DEPDC5: variants seen among roughly 807,000 people sequenced by gnomAD.
The protein encoded by DEPDC5 is GATOR1 complex protein DEPDC5.
In DEPDC5, 73 loss-of-function variants were observed where a neutral mutation model predicts 217.3. That is an observed-to-expected ratio of 0.34 (90% confidence interval 0.28 to 0.41). The LOEUF is 0.41. Ranked by LOEUF, DEPDC5 falls within the 10% of genes least tolerant of loss-of-function variation. DEPDC5 has a pLI of 1.00. For synonymous variants in DEPDC5, 733 were observed against 756.7 expected (o/e 0.97, Z 0.51); for missense variants, 1,675 against 2,070.1 (o/e 0.81, Z 3.70).
chr22:31,776,572 CTTTTTT>C (rs34058587), intron 7 of DEPDC5, among the ~76,000 whole-genome samples: 3 of 104,170 alleles, frequency 2.9e-5, no homozygotes, highest in African/African-American at 1.1e-4. Flanking sequence ...GTACTATTCA[CTTTTTT>C]TTTTTTTTTT....
intron 5 of DEPDC5, 24 bp from the exon 6 acceptor site, chr22:31,766,561 A>G: frequency 6.2e-7 from 1 of 1,606,754 alleles, no homozygotes; most frequent in Non-Finnish European, 8.5e-7. Context: ...AATGTCAGAG[A>G]TATCATTTGA....
chr22:31,901,671 A>G, intron 40 of DEPDC5, 71 bp from the exon 41 acceptor site: 4 of 1,375,560 alleles, frequency 2.9e-6, no homozygotes, highest in Non-Finnish European at 3.0e-6. Flanking sequence ...TAAAGGGTAC[A>G]GAAGACTGGC....
chr22:31,871,066 A>C (rs918263262), intron 34 of DEPDC5, among the ~76,000 whole-genome samples: 1 of 152,232 alleles, frequency 6.6e-6, no homozygotes, highest in Non-Finnish European at 1.5e-5. Flanking sequence ...AATGTCTTGC[A>C]CGTCATAGCA....
At chr22:31,845,949 C>T (rs946057173) in intron 30 of DEPDC5, among the ~76,000 whole-genome samples, 1 of 151,714 alleles carries the variant, frequency 6.6e-6, no homozygotes, top group African/African-American at 2.4e-5. Flanking sequence ...CAGCCTTGAC[C>T]TCCCACCTTA....
intron 38 of DEPDC5, among the ~76,000 whole-genome samples, chr22:31,881,419 G>T (rs1004959241): frequency 6.6e-6 from 1 of 152,070 alleles, no homozygotes; most frequent in Non-Finnish European, 1.5e-5. Flanking sequence ...ACCTTGAGCA[G>T]CTCCTCCTCC....
chr22:31,856,188 CACTTCATTGCCTATG>C (rs1355255818), intron 31 of DEPDC5, among the ~76,000 whole-genome samples: 7 of 146,452 alleles, frequency 4.8e-5, no homozygotes, highest in African/African-American at 1.8e-4. Flanking sequence ...CACACACACA[CACTTCATTGCCTATG>C]ACACACACAC....
At chr22:31,867,056 A>G (rs2092709003) in intron 33 of DEPDC5, among the ~76,000 whole-genome samples, 1 of 152,196 alleles carries the variant, frequency 6.6e-6, no homozygotes, top group Non-Finnish European at 1.5e-5. Context: ...ACATATGTTC[A>G]GTGGAGTCCT....
intron 30 of DEPDC5, among the ~76,000 whole-genome samples, chr22:31,845,656 G>A (rs1569090382): frequency 6.6e-6 from 1 of 152,136 alleles, no homozygotes; most frequent in Non-Finnish European, 1.5e-5. Flanking sequence ...CACCCAGTGC[G>A]GAGACTCAGG....
At chr22:31,803,914 T>C (rs1279068676) in intron 15 of DEPDC5, among the ~76,000 whole-genome samples, 1 of 152,212 alleles carries the variant, frequency 6.6e-6, no homozygotes, top group Non-Finnish European at 1.5e-5. Flanking sequence ...AGTCATGACC[T>C]GTAGGACAGT....
intron 38 of DEPDC5, among the ~76,000 whole-genome samples, chr22:31,889,931 G>A (rs1315612669): frequency 6.6e-6 from 1 of 152,158 alleles, no homozygotes; most frequent in African/African-American, 2.4e-5. Flanking sequence ...GCATTGGAGT[G>A]ACCAAGTTCT....
At chr22:31,847,991 G>A (rs1569097484) in intron 31 of DEPDC5, among the ~76,000 whole-genome samples, 1 of 152,206 alleles carries the variant, frequency 6.6e-6, no homozygotes, top group African/African-American at 2.4e-5. Flanking sequence ...GGGAGAAATT[G>A]GCCAAAACAA....
chr22:31,883,323 GATA>G (rs2093226250), intron 38 of DEPDC5, among the ~76,000 whole-genome samples: 1 of 152,196 alleles, frequency 6.6e-6, no homozygotes, highest in Admixed American at 6.6e-5. Flanking sequence ...GTTGATGCGT[GATA>G]AGGGCGTGCT....
intron 33 of DEPDC5, among the ~76,000 whole-genome samples, chr22:31,865,942 C>A (rs767407103): frequency 2.0e-5 from 3 of 152,186 alleles, no homozygotes; most frequent in Non-Finnish European, 4.4e-5. Context: ...GCCCACTTAG[C>A]CCATTTGTCT....
chr22:31,906,241 A>G lies in DEPDC5; in HGVS notation c.4556A>G (p.Lys1519Arg), dbSNP rs768520373. Residue 1519 changes from lysine to arginine, a missense_variant, in exon 43 of 43, where the codon AAG (lysine) becomes AGG (arginine). By Grantham distance (26) the Lys-to-Arg change is conservative. Around this residue, in one of 11 missense-constraint regions of DEPDC5, gnomAD observed 182 missense variants for 290.1 expected, o/e 0.63. Coordinates refer to ENST00000651528, the MANE Select transcript of DEPDC5 (RefSeq NM_001242896.3). This position sits in a 1 kb window ranked among gnomAD's most constrained non-coding sequence, Gnocchi z 5.1. ...CTGCAGCTGCCCTACTCCAAGCGCA[A>G]GTTCTCAGGGCAGCAGCGGCGGCGG... ...VFLQLPYSKR[K>R]FSGQQRRRRN... The G allele has an allele frequency of 1.2e-6, 2 of 1,613,978 alleles. No individual in the cohort carries two copies. The highest frequency in any genetic ancestry group is 2.2e-5 in the South Asian group (2 of 91,090).
chr22:31,906,620 A>G lies in DEPDC5; in HGVS notation c.*123A>G. On this transcript the variant is annotated 3_prime_UTR_variant, in exon 43 of 43. Transcript: ENST00000651528. This position sits in a 1 kb window ranked among gnomAD's most constrained non-coding sequence, Gnocchi z 5.1. ...TTGCTGCTATCAGTGAGTGGGGGCCATTGTTTTTTGTTTGTTTGTTTGTTT... is the reference window on the plus strand; with the variant it reads ...TTGCTGCTATCAGTGAGTGGGGGCCGTTGTTTTTTGTTTGTTTGTTTGTTT... 8.0e-7 allele frequency: 1 copy of G among 1,255,018 alleles called. No homozygotes were observed. Among genetic ancestry groups the G allele is most frequent in the East Asian group, 2.3e-5 (1 of 42,988 alleles). 77.7% of individuals were successfully genotyped at this position (1,255,018 alleles called of 1,614,324 possible). A position where few individuals can be genotyped will look rare whatever the true frequency, so the allele number is the denominator to read the frequency against.
intron 24 of DEPDC5, among the ~76,000 whole-genome samples, chr22:31,830,761 T>C (rs978542647): frequency 6.6e-6 from 1 of 151,940 alleles, no homozygotes; most frequent in Admixed American, 6.6e-5. Flanking sequence ...CTTTTCTTTT[T>C]TTTTTTCTTT....
At chr22:31,809,547 T>C in intron 18 of DEPDC5, 64 bp from the exon 19 acceptor site, 2 of 1,574,034 alleles carry the variant, frequency 1.3e-6, no homozygotes, top group African/African-American at 1.3e-5. Context: ...ATATATACTG[T>C]GCCTTGTGAT....
chr22:31,875,895 A>G, intron 36 of DEPDC5: 1 of 315,060 alleles, frequency 3.2e-6, no homozygotes, highest in Non-Finnish European at 5.9e-6. Flanking sequence ...AGCCTCCCAA[A>G]GTGCTGGGGT....
At chr22:31,895,434 C>G (rs894366046) in intron 39 of DEPDC5, among the ~76,000 whole-genome samples, 1 of 152,198 alleles carries the variant, frequency 6.6e-6, no homozygotes, top group African/African-American at 2.4e-5. Flanking sequence ...CATCCCCCAT[C>G]GCAGTGCTCA....
Sources: allele counts gnomAD v4.1 joint callset (sites outside exome capture counted in the v4.1 genomes callset), GRCh38; gene constraint gnomAD v4.1.1; regional missense constraint gnomAD v4.1.1; non-coding constraint Gnocchi (gnomAD v3.1); transcripts MANE v1.5; gene names NCBI Gene and HGNC (gene_info 2026-07-23, HGNC 2026-07-21).